FLT1: variants seen among roughly 807,000 people sequenced by gnomAD.
FLT1 encodes the protein fms related receptor tyrosine kinase 1.
In FLT1, 49 loss-of-function variants were observed where a neutral mutation model predicts 156.3. The observed-to-expected ratio is 0.31, with a 90% confidence interval of 0.25 to 0.40. FLT1 has a LOEUF of 0.40. FLT1 is among the 10% of genes least tolerant of loss of function. The pLI, the probability that FLT1 is intolerant of heterozygous loss-of-function variation, is 1.00. For synonymous variants in FLT1, 594 were observed against 583.8 expected (o/e 1.02, Z -0.25); for missense variants, 1,322 against 1,637.2 (o/e 0.81, Z 3.32).
In FLT1 at chr13:28,481,690, G is replaced by A. The variant is rs150571594; in HGVS notation, c.64+13090C>T. Among the ~76,000 whole-genome samples, 101 of 152,352 alleles carry A rather than the reference G, an allele frequency of 6.6e-4. 1 individual carries two copies. In the East Asian group the frequency reaches 0.016, roughly 24 times the overall value. ...TTGAAGGTCTTTCAGCTCTAAGCTG[G>A]CCTCTTAGGGGCTGTCATTTAGAAG... is the stretch of plus-strand genomic sequence containing the variant. On this transcript the variant is annotated intron_variant, in intron 1 of 29. Transcript: ENST00000282397.
chr13:28,354,603 A>T (rs1445299406), intron 15 of FLT1, among the ~76,000 whole-genome samples: 1 of 152,188 alleles, frequency 6.6e-6, no homozygotes, highest in Non-Finnish European at 1.5e-5. Flanking sequence ...AAATGGGCAC[A>T]ATATTTCAGG....
chr13:28,357,868 C>CTTTTTTTTTTTTT (rs57304530), intron 14 of FLT1, among the ~76,000 whole-genome samples, 183 bp from the exon 15 acceptor site: 6 of 104,732 alleles, frequency 5.7e-5, no homozygotes, highest in African/African-American at 1.9e-4. Context: ...CTTTTCTTTC[C>CTTTTTTTTTTTTT]TTTTTTTTTT....
intron 14 of FLT1, among the ~76,000 whole-genome samples, chr13:28,371,393 A>G (rs1873560694): frequency 6.6e-6 from 1 of 152,188 alleles, no homozygotes; most frequent in South Asian, 2.1e-4. Context: ...AGCATGATGA[A>G]GTCTCTCGCT....
intron 15 of FLT1, among the ~76,000 whole-genome samples, chr13:28,354,337 A>G (rs1872826606): frequency 6.6e-6 from 1 of 152,218 alleles, no homozygotes; most frequent in Non-Finnish European, 1.5e-5. Flanking sequence ...CTTCCTGTGC[A>G]AAGTTATATT....
At chr13:28,345,927 G>T in intron 15 of FLT1, 2 of 179,582 alleles carry the variant, frequency 1.1e-5, no homozygotes, top group Non-Finnish European at 2.3e-5. Context: ...TCTGGAATAT[G>T]TTAAATCTCC....
At chr13:28,467,945 C>T (rs1879943947) in intron 1 of FLT1, among the ~76,000 whole-genome samples, 1 of 152,054 alleles carries the variant, frequency 6.6e-6, no homozygotes, top group South Asian at 2.1e-4. Flanking sequence ...TTATAATATT[C>T]AAATATGCAA....
In FLT1 at chr13:28,387,279, T is replaced by C. The variant is rs568661261; in HGVS notation, c.1970-2248A>G. On this transcript the variant is annotated intron_variant, in intron 13 of 29. Coordinates refer to ENST00000282397, the MANE Select transcript of FLT1 (RefSeq NM_002019.4). ...ACCCATTTCTGAAAAATGTTCTACA[T>C]TAAAAGTCTCACTTTTGGCTAGTTT... 401 of 1,043,032 alleles carry C rather than the reference T, an allele frequency of 3.8e-4. 3 individuals are homozygous for C. In the South Asian group the frequency reaches 0.011, roughly 29 times the overall value. The allele number at this position is 1,043,032 out of a possible 1,614,324, so 64.6% of individuals were successfully genotyped here.
At chr13:28,412,624 T>C (rs1037758183) in intron 10 of FLT1, among the ~76,000 whole-genome samples, 5 of 151,742 alleles carry the variant, frequency 3.3e-5, no homozygotes, top group African/African-American at 1.2e-4. Context: ...TTTTGCCATG[T>C]TGGCCAGGCT....
At chr13:28,397,579 G>A (rs1485600912) in intron 11 of FLT1, among the ~76,000 whole-genome samples, 2 of 151,996 alleles carry the variant, frequency 1.3e-5, no homozygotes, top group East Asian at 3.9e-4. Flanking sequence ...AAGAAATGGG[G>A]TCTTGCTATG....
intron 16 of FLT1, among the ~76,000 whole-genome samples, chr13:28,342,027 C>T (rs575462410): frequency 4.0e-4 from 61 of 152,168 alleles, no homozygotes; most frequent in African/African-American, 1.3e-3. Flanking sequence ...GGATCATAGG[C>T]GCCTGCCACC....
At position 28,345,869 on chromosome 13, in the gene FLT1, A is replaced by T. The variant is rs79152563; in HGVS notation, c.2249-318T>A. On this transcript the variant is annotated intron_variant, in intron 15 of 29. Coordinates refer to ENST00000282397, the MANE Select transcript of FLT1 (RefSeq NM_002019.4). ...AAGTAAAAATCAGAGGAGAAATTAA[A>T]AATGGGAAAAAATTAAGGCAGGAAC... The T allele has an allele frequency of 4.7e-3, 1,276 of 272,206 alleles. 14 individuals are homozygous for T. The highest frequency in any genetic ancestry group is 0.026 in the African/African-American group (1,175 of 45,966). 16.9% of individuals were successfully genotyped at this position (272,206 alleles called of 1,614,324 possible). A position where few individuals can be genotyped will look rare whatever the true frequency, so the allele number is the denominator to read the frequency against.
intron 1 of FLT1, among the ~76,000 whole-genome samples, chr13:28,490,149 C>T (rs1881389309): frequency 1.3e-5 from 2 of 152,180 alleles, no homozygotes; most frequent in Admixed American, 6.5e-5. Flanking sequence ...CTCCTCTGGG[C>T]CGGTTTTCTC....
intron 17 of FLT1, among the ~76,000 whole-genome samples, chr13:28,335,526 C>T (rs1041996671): frequency 6.6e-6 from 1 of 152,290 alleles, no homozygotes; most frequent in East Asian, 1.9e-4. Context: ...TGCCCAACTA[C>T]TCAGTGACAA....
chr13:28,474,521 C>CAG (rs1880439114), intron 1 of FLT1, among the ~76,000 whole-genome samples: 2 of 149,530 alleles, frequency 1.3e-5, no homozygotes, highest in Non-Finnish European at 3.0e-5. Context: ...CACACACACA[C>CAG]ACAAACCCCA....
In FLT1 at chr13:28,301,027, T is replaced by A. The variant is rs185779793; in HGVS notation, c.*2140A>T. The A allele has an allele frequency of 4.3e-6, 1 of 232,838 alleles. No homozygotes were observed. The highest frequency in any genetic ancestry group is 6.1e-5 in the East Asian group (1 of 16,474). 14.4% of individuals were successfully genotyped at this position (232,838 alleles called of 1,614,324 possible). Reference sequence around the variant, plus strand: ...CAAACCTGAGTTTGAAGGAGCTGAGTAACAATTCTAATGGTTTTGCTTTTC... The same window carrying A: ...CAAACCTGAGTTTGAAGGAGCTGAGAAACAATTCTAATGGTTTTGCTTTTC... On this transcript the variant is annotated 3_prime_UTR_variant, in exon 30 of 30. Transcript: ENST00000282397.
intron 10 of FLT1, among the ~76,000 whole-genome samples, chr13:28,422,467 A>C (rs9508034): frequency 0.74 from 113,249 of 152,156 alleles, 42,277 homozygotes; most frequent in Non-Finnish European, 0.75. Flanking sequence ...GTGTGCTCTC[A>C]AAACAAAACT....
At chr13:28,476,801 C>T (rs186246208) in intron 1 of FLT1, among the ~76,000 whole-genome samples, 18 of 152,282 alleles carry the variant, frequency 1.2e-4, no homozygotes, top group Admixed American at 3.9e-4. Context: ...GGCACTTCTC[C>T]GCAATTATGT....
intron 10 of FLT1, among the ~76,000 whole-genome samples, chr13:28,425,485 G>A (rs958736373): frequency 6.6e-6 from 1 of 151,974 alleles, no homozygotes; most frequent in African/African-American, 2.4e-5. Context: ...AGTTCCATTC[G>A]AGGTGGCCTC....
intron 14 of FLT1, among the ~76,000 whole-genome samples, chr13:28,358,905 G>A (rs142901574): frequency 6.6e-6 from 1 of 152,258 alleles, no homozygotes; most frequent in African/African-American, 2.4e-5. Context: ...GGTGGGCCTC[G>A]AGTTGAGGTC....
Sources: allele counts gnomAD v4.1 joint callset (sites outside exome capture counted in the v4.1 genomes callset), GRCh38; gene constraint gnomAD v4.1.1; transcripts MANE v1.5; gene names NCBI Gene and HGNC (gene_info 2026-07-23, HGNC 2026-07-21).